Variants in SNX25 observed in about 807,000 individuals in gnomAD.
SNX25 encodes the protein sorting nexin 25.
A neutral mutation model predicts 113.7 loss-of-function variants in SNX25; 62 were observed. That is an observed-to-expected ratio of 0.55 (90% CI 0.44 to 0.67). The LOEUF (loss-of-function observed/expected upper bound fraction) is 0.67, where lower values mean the gene tolerates loss of function less well. Among genes scored for constraint, SNX25 ranks in the 30% least tolerant of loss-of-function variants. The pLI is 0.00. For synonymous variants in SNX25, 421 were observed against 436.2 expected, an observed-to-expected ratio of 0.97 and a Z score of 0.43; for missense variants, 1,014 against 1,161.0, an observed-to-expected ratio of 0.87 and a Z score of 1.84.
At chr4:185,257,404 A>C (rs1463640478) in intron 2 of SNX25, among the ~76,000 whole-genome samples, 2 of 152,192 alleles carry the variant, frequency 1.3e-5, no homozygotes, top group African/African-American at 4.8e-5. Flanking sequence ...TGTGCTGTCC[A>C]ACACGGTAAC....
chr4:185,249,409 T>G (rs1745329889), intron 2 of SNX25, among the ~76,000 whole-genome samples: 1 of 152,212 alleles, frequency 6.6e-6, no homozygotes, highest in Non-Finnish European at 1.5e-5. Flanking sequence ...TTTCATGTGT[T>G]ATTGACAATT....
rs1423669645 is a variant in SNX25, at chr4:185,323,950, A to G, written c.1749+150A>G. On this transcript the variant is annotated intron_variant, in intron 9 of 18. Coordinates refer to ENST00000652585, the MANE Select transcript of SNX25 (RefSeq NM_001378034.2). ...TAGAATAAAAGTAGCATCGTTTAATATACAAGACCTTAAATAGAATAAAAA... is the reference window on the plus strand; with the variant it reads ...TAGAATAAAAGTAGCATCGTTTAATGTACAAGACCTTAAATAGAATAAAAA... 9 of 773,694 alleles carry G rather than the reference A, an allele frequency of 1.2e-5. No homozygotes were observed. The South Asian group carries it at 1.5e-4, about 13-fold the overall frequency. 47.9% of individuals were successfully genotyped at this position (773,694 alleles called of 1,614,324 possible). A position where few individuals can be genotyped will look rare whatever the true frequency, so the allele number is the denominator to read the frequency against.
chr4:185,251,919 C>A (rs1369656458), intron 2 of SNX25, among the ~76,000 whole-genome samples: 2 of 151,256 alleles, frequency 1.3e-5, no homozygotes, highest in African/African-American at 4.8e-5. Context: ...AAAATGTTTT[C>A]CAAAGCCTTT....
rs1755144490 is a variant in SNX25, at chr4:185,310,866, G to C, written c.1344+50G>C. 2.6e-6 allele frequency: 4 copies of C among 1,516,788 alleles called. No homozygotes were observed. In the East Asian group the frequency reaches 9.1e-5, roughly 35 times the overall value. The allele number at this position is 1,516,788 out of a possible 1,614,324, so 94.0% of individuals were successfully genotyped here. On this transcript the variant is annotated intron_variant, in intron 7 of 18. Transcript: ENST00000652585. ...TGACCCTACCAAGTTTATTATAAATGCTGATAGAACTACATATAAAGACTT... is the reference window on the plus strand; with the variant it reads ...TGACCCTACCAAGTTTATTATAAATCCTGATAGAACTACATATAAAGACTT...
chr4:185,302,147 G>A (rs1325417890), intron 6 of SNX25, among the ~76,000 whole-genome samples: 1 of 147,460 alleles, frequency 6.8e-6, no homozygotes, highest in African/African-American at 2.5e-5. Context: ...TGTTGGTTAG[G>A]CTGGTCTCGA....
chr4:185,232,983 C>A lies in SNX25; in HGVS notation c.430-14311C>A, dbSNP rs1029832693. On this transcript the variant is annotated intron_variant, in intron 1 of 18. Transcript: ENST00000652585. This position sits in a 1 kb window ranked among gnomAD's most constrained non-coding sequence, Gnocchi z 4.4. ...TAGCTACCCGATTATGAGTTTCCAT[C>A]AAAAATAAATGAAGCCAAGGCTGGG... Among the ~76,000 whole-genome samples the A allele has an allele frequency of 1.3e-5, 2 of 152,062 alleles. No individual in the cohort carries two copies. The highest frequency in any genetic ancestry group is 4.8e-5 in the African/African-American group (2 of 41,402).
intron 6 of SNX25, among the ~76,000 whole-genome samples, chr4:185,296,391 GAAAA>G (rs1752843387): frequency 6.6e-6 from 1 of 152,078 alleles, no homozygotes; most frequent in African/African-American, 2.4e-5. Flanking sequence ...ACACACTCCA[GAAAA>G]TCCACCCAAA....
intron 10 of SNX25, among the ~76,000 whole-genome samples, chr4:185,337,834 A>G (rs1045803089): frequency 1.3e-5 from 2 of 152,174 alleles, no homozygotes; most frequent in African/African-American, 4.8e-5. Flanking sequence ...TTCTTATTTC[A>G]TAACCATTAG....
chr4:185,367,239 G>A (rs759184029), downstream of SNX25: 36 of 1,610,640 alleles, frequency 2.2e-5, no homozygotes, highest in Middle Eastern at 1.7e-4. Flanking sequence ...GGATTCAGAC[G>A]ACAAGCCTTA....
chr4:185,220,787 G>A (rs1739708769), intron 1 of SNX25, among the ~76,000 whole-genome samples: 1 of 151,898 alleles, frequency 6.6e-6, no homozygotes, highest in African/African-American at 2.4e-5. Context: ...GCCTAACTGA[G>A]TCCTTCTTGA....
At chr4:185,220,082 C>T (rs992926991) in intron 1 of SNX25, among the ~76,000 whole-genome samples, 7 of 152,112 alleles carry the variant, frequency 4.6e-5, no homozygotes, top group Admixed American at 2.0e-4. Context: ...TGGCCTCCTA[C>T]AATAATCATC....
intron 16 of SNX25, among the ~76,000 whole-genome samples, chr4:185,359,715 G>T (rs2095353662): frequency 6.6e-6 from 1 of 152,136 alleles, no homozygotes; most frequent in African/African-American, 2.4e-5. Flanking sequence ...TTTTTCTCAG[G>T]ACTCAGGACT....
rs755127000 is a variant in SNX25, at chr4:185,310,621, C to T, written c.1163-14C>T. 13 of 1,608,504 alleles carry T rather than the reference C, an allele frequency of 8.1e-6. No homozygotes were observed. In the East Asian group the frequency reaches 8.9e-5, roughly 11 times the overall value. On this transcript the variant is annotated splice_polypyrimidine_tract_variant and intron_variant, in intron 6 of 18. Coordinates refer to ENST00000652585, the MANE Select transcript of SNX25 (RefSeq NM_001378034.2). ...TGTCCTCTGACCAGGTACTGTTTCT[C>T]ACTCCTATTCAAGGTAAAGAAACTG...
downstream of SNX25, chr4:185,373,143 T>G: frequency 7.0e-7 from 1 of 1,429,678 alleles, no homozygotes; most frequent in South Asian, 1.2e-5. Context: ...AAGGGAATAC[T>G]AGACAGAAAA....
In SNX25 at chr4:185,334,108, G is replaced by A. The variant is rs2095214633; in HGVS notation, c.1914+1349G>A. ...AATCCCAGCACTTTAGGAGGCCGAG[G>A]CGGGTGGATCACTTGAGGTCAGGAG... On this transcript the variant is annotated intron_variant, in intron 10 of 18. Coordinates refer to ENST00000652585, the MANE Select transcript of SNX25 (RefSeq NM_001378034.2). This position sits in a 1 kb window ranked among gnomAD's most constrained non-coding sequence, Gnocchi z 4.2. 6.6e-6 allele frequency among the ~76,000 whole-genome samples: 1 copy of A among 151,578 alleles called. No homozygotes were observed. Among genetic ancestry groups the A allele is most frequent in the Non-Finnish European group, 1.5e-5 (1 of 67,924 alleles).
chr4:185,217,930 T>C (rs1193240309), intron 1 of SNX25, among the ~76,000 whole-genome samples: 4 of 152,200 alleles, frequency 2.6e-5, no homozygotes, highest in Non-Finnish European at 2.9e-5. Context: ...AACCTGTATT[T>C]TTATCCTTCA....
At position 185,291,713 on chromosome 4, in the gene SNX25, A is replaced by G. The variant is rs116911794; in HGVS notation, c.1162+3631A>G. ...GATATGTCACTCCAATCCCTGCCTC[A>G]GTTGTCACGTGATATTCTTCTCTGG... On this transcript the variant is annotated intron_variant, in intron 6 of 18. Transcript: ENST00000652585. 1.6e-4 allele frequency among the ~76,000 whole-genome samples: 25 copies of G among 152,216 alleles called. No individual in the cohort carries two copies. In the East Asian group the frequency reaches 4.4e-3, roughly 27 times the overall value.
chr4:185,297,260 T>A (rs1295839331), intron 6 of SNX25, among the ~76,000 whole-genome samples: 1 of 152,236 alleles, frequency 6.6e-6, no homozygotes, highest in Non-Finnish European at 1.5e-5. Flanking sequence ...ACATTTCAAG[T>A]ACTCAGTAAC....
In SNX25 at chr4:185,309,668, C is replaced by T. The variant is rs147822028; in HGVS notation, c.1163-967C>T. On this transcript the variant is annotated intron_variant, in intron 6 of 18. Coordinates refer to ENST00000652585, the MANE Select transcript of SNX25 (RefSeq NM_001378034.2). ...GGGTCCAGACATCCTCTTGTCCTCT[C>T]TACTGGCCTGCCATAACCCTGGTGT... Among the ~76,000 whole-genome samples, 21 of 152,324 alleles carry T rather than the reference C, an allele frequency of 1.4e-4. No homozygotes were observed. In the East Asian group the frequency reaches 4.0e-3, roughly 29 times the overall value.
Sources: allele counts gnomAD v4.1 joint callset (sites outside exome capture counted in the v4.1 genomes callset), GRCh38; gene constraint gnomAD v4.1.1; non-coding constraint Gnocchi (gnomAD v3.1); transcripts MANE v1.5; gene names NCBI Gene and HGNC (gene_info 2026-07-23, HGNC 2026-07-21).